The following TRIM36 variants were observed in gnomAD, a reference collection of about 807,000 sequenced individuals.
TRIM36 encodes the protein tripartite motif containing 36, also known as E3 ubiquitin-protein ligase TRIM36.
A neutral mutation model predicts 72.4 loss-of-function variants in TRIM36; 42 were observed. That is an observed-to-expected ratio of 0.58 (90% CI 0.45 to 0.75). The LOEUF (loss-of-function observed/expected upper bound fraction) is 0.75. TRIM36 is among the 30% of genes least tolerant of loss of function. The pLI is 0.00. For missense variants in TRIM36, 913 were observed against 857.1 expected (o/e 1.07, Z -0.81); for synonymous variants, 315 against 282.8 (o/e 1.11, Z -1.14).
intron 5 of TRIM36, 22 bp downstream of exon 5, chr5:115,141,257 T>C: frequency 2.0e-6 from 3 of 1,481,148 alleles, no homozygotes; most frequent in Non-Finnish European, 2.8e-6. Flanking sequence ...ATTTAAAATA[T>C]GCAAGCTAGT....
chr5:115,141,211 G>A, intron 5 of TRIM36, 68 bp downstream of exon 5: 1 of 1,172,302 alleles, frequency 8.5e-7, no homozygotes, highest in Non-Finnish European at 1.2e-6. Flanking sequence ...AGGATTTTAT[G>A]AACAAATGAA....
upstream of TRIM36, among the ~76,000 whole-genome samples, chr5:115,173,220 T>G (rs1446231018): frequency 6.6e-6 from 1 of 152,170 alleles, no homozygotes; most frequent in African/African-American, 2.4e-5. Flanking sequence ...TTTGCTTGCT[T>G]TTTATCTTCC....
At chr5:115,128,907 G>A (rs571623607) in intron 9 of TRIM36, among the ~76,000 whole-genome samples, 2 of 151,928 alleles carry the variant, frequency 1.3e-5, no homozygotes, top group South Asian at 4.2e-4. Flanking sequence ...CAATGTCCTA[G>A]GCCTTCAAAT....
At chr5:115,177,948 T>C (rs1755419729) in intron 1 of TRIM36, 1 of 1,485,790 alleles carries the variant, frequency 6.7e-7, no homozygotes, top group South Asian at 1.1e-5. Flanking sequence ...TTTGTGTTTT[T>C]TCATTATAGT....
Position 115,144,706 on chromosome 5 carries a change from G to C in TRIM36, c.627C>G (p.Asn209Lys). The change falls in exon 4 of 10, where the codon AAC (asparagine) becomes AAG (lysine). Residue 209 changes from asparagine (N) to lysine (K), a missense_variant. Asn to Lys is a moderately conservative substitution (Grantham distance 94). Transcript: ENST00000513154. ...GCCTCCTACATAATTCACAGTACAT[G>C]TTTATTCTCTCTGTTTCATGTTCTG... ...MCPEHETERINMYCELCRRPV... is the reference protein window; with the variant it reads ...MCPEHETERIKMYCELCRRPV... 1 of 1,613,974 alleles carries C rather than the reference G, an allele frequency of 6.2e-7. No homozygotes were observed. Among genetic ancestry groups the C allele is most frequent in the African/African-American group, 1.3e-5 (1 of 75,014 alleles).
At chr5:115,167,281 T>G (rs1754835108) in intron 1 of TRIM36, among the ~76,000 whole-genome samples, 1 of 152,192 alleles carries the variant, frequency 6.6e-6, no homozygotes, top group East Asian at 1.9e-4. Flanking sequence ...TGTTTGGCCC[T>G]GCCAAACGGA....
At chr5:115,139,756 T>C (rs971028805) in intron 5 of TRIM36, among the ~76,000 whole-genome samples, 5 of 152,228 alleles carry the variant, frequency 3.3e-5, no homozygotes, top group Admixed American at 6.5e-5. Context: ...TTCTTATTGA[T>C]AAGGCTACAG....
chr5:115,135,341 G>C (rs1196748801), intron 7 of TRIM36, among the ~76,000 whole-genome samples: 1 of 152,000 alleles, frequency 6.6e-6, no homozygotes, highest in Non-Finnish European at 1.5e-5. Flanking sequence ...TTATACAACT[G>C]AATGTTATGC....
chr5:115,143,604 G>C (rs1753404895), intron 4 of TRIM36, among the ~76,000 whole-genome samples: 1 of 152,022 alleles, frequency 6.6e-6, no homozygotes, highest in African/African-American at 2.4e-5. Flanking sequence ...AGAAGGTAGA[G>C]CACAACATAA....
intron 2 of TRIM36, among the ~76,000 whole-genome samples, chr5:115,161,046 C>G (rs944810746): frequency 2.0e-5 from 3 of 152,202 alleles, no homozygotes; most frequent in African/African-American, 7.2e-5. Context: ...ATTAAAACCT[C>G]CAGGAATGAT....
At chr5:115,179,108 C>T (rs1357524595) in intron 1 of TRIM36, among the ~76,000 whole-genome samples, 1 of 152,236 alleles carries the variant, frequency 6.6e-6, no homozygotes, top group Non-Finnish European at 1.5e-5. Context: ...CCTTTCCCGC[C>T]TTCTCTCCGT....
rs1320896412 is a variant in TRIM36, at chr5:115,134,023, T to C, written c.1335A>G (p.Arg445=). ...SYVLEYRKIN[R]DDEMSWNEIE... ...TCTCATTCCATGACATTTCATCATCTCTATTGATTTTCCGATATTCAAGAA... is the reference window on the plus strand; with the variant it reads ...TCTCATTCCATGACATTTCATCATCCCTATTGATTTTCCGATATTCAAGAA... Residue 445 remains arginine, a synonymous_variant, in exon 8 of 10, where the codon AGA becomes AGG. Transcript: ENST00000513154. 1 of 1,613,996 alleles carries C rather than the reference T, an allele frequency of 6.2e-7. No individual in the cohort carries two copies.
intron 1 of TRIM36, chr5:115,177,734 A>G (rs754024331): frequency 1.2e-6 from 2 of 1,613,404 alleles, no homozygotes; most frequent in South Asian, 1.1e-5. Context: ...CCCACAAAAC[A>G]GAGAGAGGAA....
At chr5:115,147,471 T>TAA in intron 2 of TRIM36, 77 bp from the exon 3 acceptor site, 6 of 1,439,420 alleles carry the variant, frequency 4.2e-6, no homozygotes, top group Non-Finnish European at 5.7e-6. Flanking sequence ...AGTCATGTCT[T>TAA]AGAGACATAT....
rs557516892 is a variant in TRIM36 at position 115,134,146 on chromosome 5, G to A, written c.1212C>T (p.Gly404=). 36 of 1,554,666 alleles carry A rather than the reference G, an allele frequency of 2.3e-5. No individual in the cohort carries two copies. In the South Asian group the frequency reaches 4.4e-4, roughly 19 times the overall value. Residue 404 remains glycine, a splice_region_variant and synonymous_variant, in exon 8 of 10, where the codon GGC becomes GGT. Coordinates refer to ENST00000513154, the MANE Select transcript of TRIM36 (RefSeq NM_001300759.2). ...CCTCATTGATCTCTGGCACGTCTAT[G>A]CCTGAAAGAATTATGAAATAGAAAA... ...LLGELSFFSS[G]IDVPEINEEQ... is the part of the protein sequence containing the mutation.
chr5:115,142,493 CAA>C (rs1462871650), intron 4 of TRIM36, among the ~76,000 whole-genome samples: 1 of 152,148 alleles, frequency 6.6e-6, no homozygotes, highest in African/African-American at 2.4e-5. Flanking sequence ...TTAGTTGACT[CAA>C]AGAGGTAAGG....
chr5:115,140,587 C>A (rs1301337675), intron 5 of TRIM36, among the ~76,000 whole-genome samples: 1 of 152,052 alleles, frequency 6.6e-6, no homozygotes, highest in East Asian at 1.9e-4. Context: ...ACTAACCTAC[C>A]CCCCTCCTCA....
At chr5:115,166,222 TAC>T (rs1483453075) in intron 1 of TRIM36, among the ~76,000 whole-genome samples, 1 of 151,854 alleles carries the variant, frequency 6.6e-6, no homozygotes, top group Non-Finnish European at 1.5e-5. Flanking sequence ...AGTGAAAACT[TAC>T]AGTGAATTTT....
chr5:115,179,920 A>G, intron 1 of TRIM36: 2 of 1,519,344 alleles, frequency 1.3e-6, no homozygotes, highest in East Asian at 4.6e-5. Context: ...GTGGCGGGCC[A>G]GGTAGTGCCG....
Sources: gnomAD v4.1 joint callset for allele counts (sites outside exome capture counted in the v4.1 genomes callset) on GRCh38, gnomAD v4.1.1 for gene constraint, MANE v1.5 for transcripts, NCBI Gene and HGNC (gene_info 2026-07-23, HGNC 2026-07-21) for gene names.